The following SLA variants were observed in gnomAD, a reference collection of about 807,000 sequenced individuals.
SLA encodes src-like-adapter.
A neutral mutation model predicts 30.3 loss-of-function variants in SLA; 16 were observed. That is an observed-to-expected ratio of 0.53 (90% CI 0.36 to 0.80). The LOEUF is 0.80. Ranked by LOEUF, SLA falls within the 30% of genes least tolerant of loss-of-function variation. SLA has a pLI of 0.01. For missense variants in SLA, 310 were observed against 345.2 expected (o/e 0.90, Z 0.81); for synonymous variants, 143 against 137.8 (o/e 1.04, Z -0.26).
At position 133,037,721 on chromosome 8, in the gene SLA, A is replaced by G. The variant is rs574155083; in HGVS notation, c.*803T>C. ...CGGGCAATAAATGAATACTTGATGC[A>G]TTCATACAGGCAAGAATCCCAGCAT... is the stretch of plus-strand genomic sequence containing the variant. On this transcript the variant is annotated 3_prime_UTR_variant, in exon 9 of 9. Transcript: ENST00000338087. 76 of 151,788 alleles carry G rather than the reference A, an allele frequency of 5.0e-4. No homozygotes were observed. Among genetic ancestry groups the G allele is most frequent in the African/African-American group, 1.8e-3 (74 of 41,328 alleles). The allele number at this position is 151,788 out of a possible 1,614,324, so 9.4% of individuals were successfully genotyped here.
At position 133,060,104 on chromosome 8, in the gene SLA, C is replaced by G. The variant is rs755425807; in HGVS notation, c.57G>C (p.Pro19=). 1.9e-6 allele frequency: 3 copies of G among 1,595,282 alleles called. No homozygotes were observed. Among genetic ancestry groups the G allele is most frequent in the Middle Eastern group, 1.7e-4 (1 of 5,824 alleles). The change falls in exon 3 of 9, where the codon CCG becomes CCC. Residue 19 remains proline (P), a synonymous_variant. Transcript: ENST00000338087. Reference sequence around the variant, plus strand: ...CACCAGAGAAGCCAGACTTACCCTCCGGGTTGGGCAGGGGCCTCTCGGCAG... The same window carrying G: ...CACCAGAGAAGCCAGACTTACCCTCGGGGTTGGGCAGGGGCCTCTCGGCAG... ...PAPAERPLPN[P]EGLDSDFLAV... is the part of the protein sequence containing the mutation.
chr8:133,078,475 C>T (rs903389280), intron 1 of SLA, among the ~76,000 whole-genome samples: 1 of 152,202 alleles, frequency 6.6e-6, no homozygotes, highest in Admixed American at 6.5e-5. Flanking sequence ...CCATACTGTT[C>T]CTCAGTGATT....
intron 1 of SLA, among the ~76,000 whole-genome samples, chr8:133,088,082 A>G (rs929130470): frequency 5.9e-5 from 9 of 152,366 alleles, no homozygotes; most frequent in Admixed American, 4.6e-4. Context: ...AAAGGAGCCA[A>G]TAGAGGCGAG....
At chr8:133,058,239 T>C (rs1841820060) in intron 3 of SLA, among the ~76,000 whole-genome samples, 2 of 152,106 alleles carry the variant, frequency 1.3e-5, no homozygotes, top group Non-Finnish European at 2.9e-5. Flanking sequence ...GGGGGAACGT[T>C]TCAGGGCTGG....
At chr8:133,096,059 C>A in intron 1 of SLA, 2 of 940,986 alleles carry the variant, frequency 2.1e-6, no homozygotes, top group South Asian at 2.8e-5. Flanking sequence ...ACATGGTGTC[C>A]TGCCTGCCAG....
intron 2 of SLA, among the ~76,000 whole-genome samples, chr8:133,063,166 T>C (rs4736621): frequency 0.19 from 29,145 of 151,346 alleles, 3,027 homozygotes; most frequent in Admixed American, 0.23. Context: ...AATGCCTTCC[T>C]GTCCTTTCAG....
intron 1 of SLA, chr8:133,096,347 C>T (rs1314997972): frequency 6.2e-7 from 1 of 1,614,186 alleles, no homozygotes; most frequent in Non-Finnish European, 8.5e-7. Flanking sequence ...GGACGACGGG[C>T]TCATCAACAG....
intron 8 of SLA, among the ~76,000 whole-genome samples, chr8:133,039,392 G>C (rs1254813511): frequency 6.6e-6 from 1 of 152,136 alleles, no homozygotes; most frequent in African/African-American, 2.4e-5. Flanking sequence ...TTACAAGAAA[G>C]AGCAGTTTTC....
chr8:133,038,818 T>A, intron 8 of SLA, 81 bp from the exon 9 acceptor site: 2 of 864,410 alleles, frequency 2.3e-6, no homozygotes, highest in South Asian at 1.5e-5. Flanking sequence ...GGCAAGAGAA[T>A]GAGAACAGGA....
intron 1 of SLA, among the ~76,000 whole-genome samples, chr8:133,078,340 G>T (rs2739164): frequency 0.76 from 116,033 of 152,116 alleles, 45,140 homozygotes; most frequent in African/African-American, 0.89. Flanking sequence ...CTAAGGACAG[G>T]AGAGGAAGAG....
chr8:133,060,275 G>C, intron 2 of SLA, 75 bp from the exon 3 acceptor site: 1 of 1,599,040 alleles, frequency 6.3e-7, no homozygotes, highest in African/African-American at 1.3e-5. Flanking sequence ...CCAGTTTAGA[G>C]AGCATCGTGC....
intron 2 of SLA, among the ~76,000 whole-genome samples, chr8:133,071,753 C>A (rs1472815941): frequency 6.6e-6 from 1 of 152,178 alleles, no homozygotes; most frequent in Admixed American, 6.5e-5. Context: ...ACACTTGGTC[C>A]CCTCTCTTCT....
At chr8:133,081,947 CA>C (rs1845819279) in intron 1 of SLA, among the ~76,000 whole-genome samples, 1 of 152,214 alleles carries the variant, frequency 6.6e-6, no homozygotes, top group East Asian at 1.9e-4. Flanking sequence ...AGGAAACAGG[CA>C]TCTCATTTCT....
chr8:133,065,666 G>A (rs1440352233), intron 2 of SLA, among the ~76,000 whole-genome samples: 3 of 152,130 alleles, frequency 2.0e-5, no homozygotes, highest in Non-Finnish European at 4.4e-5. Flanking sequence ...GGAGGCTGAG[G>A]CAGGAGAATC....
At chr8:133,095,789 G>A (rs548393339) in intron 1 of SLA, among the ~76,000 whole-genome samples, 63 of 152,314 alleles carry the variant, frequency 4.1e-4, no homozygotes, top group Non-Finnish European at 6.8e-4. Flanking sequence ...AATGAGTCTG[G>A]ACTCACAGAA....
At chr8:133,050,135 G>A (rs543196000) in intron 4 of SLA, 147 bp from the exon 5 acceptor site, 26 of 666,314 alleles carry the variant, frequency 3.9e-5, no homozygotes, top group South Asian at 1.8e-4. Flanking sequence ...CCCATATTTC[G>A]TCATCTGAAA....
chr8:133,088,876 A>T (rs1262248999), intron 1 of SLA, among the ~76,000 whole-genome samples: 1 of 152,188 alleles, frequency 6.6e-6, no homozygotes, highest in Non-Finnish European at 1.5e-5. Context: ...GCTTTTAGGG[A>T]TCAAGAAAAC....
rs763696840 is a variant in SLA, at chr8:133,038,532, C to T, written c.823G>A (p.Glu275Lys). ...SSFFSSPPYF[E>K]D is the part of the protein sequence containing the mutation. ...ATTGTGTCTGTTCTTGGCTAGTCCTCAAAGTAAGGTGGTGATGAGAAGAAT... is the reference window on the plus strand; with the variant it reads ...ATTGTGTCTGTTCTTGGCTAGTCCTTAAAGTAAGGTGGTGATGAGAAGAAT... The change falls in exon 9 of 9, where the codon GAG becomes AAG. Residue 275 changes from glutamate to lysine, a missense_variant. Coordinates refer to ENST00000338087, the MANE Select transcript of SLA (RefSeq NM_001045556.3). 1.2e-6 allele frequency: 2 copies of T among 1,611,108 alleles called. No homozygotes were observed. The highest frequency in any genetic ancestry group is 2.2e-5 in the South Asian group (2 of 91,052).
chr8:133,061,451 T>C (rs1789170192), intron 2 of SLA, among the ~76,000 whole-genome samples: 1 of 152,242 alleles, frequency 6.6e-6, no homozygotes, highest in Admixed American at 6.5e-5. Flanking sequence ...TTACTCTGTT[T>C]ACTGATTGTC....
Sources: gnomAD v4.1 joint callset for allele counts (sites outside exome capture counted in the v4.1 genomes callset) on GRCh38, gnomAD v4.1.1 for gene constraint, MANE v1.5 for transcripts, NCBI Gene and HGNC (gene_info 2026-07-23, HGNC 2026-07-21) for gene names.